Variants in ST3GAL3 observed in about 807,000 individuals in gnomAD.
ST3GAL3 encodes ST3 beta-galactoside alpha-2,3-sialyltransferase 3.
In ST3GAL3, 21 loss-of-function variants were observed where a neutral mutation model predicts 50.1. The ratio of observed to expected loss-of-function variants is 0.42; its 90% confidence interval spans 0.30 to 0.60. The LOEUF (loss-of-function observed/expected upper bound fraction) is 0.60. Ranked by LOEUF, ST3GAL3 falls within the 20% of genes least tolerant of loss-of-function variation. The probability of loss-of-function intolerance (pLI) is 0.19; values close to 1 mark genes in which losing one functional copy is unlikely to be tolerated. For synonymous variants in ST3GAL3, 183 were observed against 190.0 expected (o/e 0.96, Z 0.30); for missense variants, 353 against 489.4 (o/e 0.72, Z 2.63).
chr1:43,893,657 G>A lies in ST3GAL3; in HGVS notation c.303-726G>A, dbSNP rs550498968. On this transcript the variant is annotated intron_variant, in intron 5 of 11. Transcript: ENST00000347631. The stretch of plus-strand genomic sequence containing the variant: ...AGCATCACTTCACCCTCCTTCTCTC[G>A]CCTTTGCCCCCATCTCCTCTCCAGG... 1.8e-4 allele frequency among the ~76,000 whole-genome samples: 28 copies of A among 151,692 alleles called. No homozygotes were observed. The South Asian group carries it at 4.8e-3, about 26-fold the overall frequency.
At chr1:43,795,889 T>C (rs1166304703) in intron 3 of ST3GAL3, among the ~76,000 whole-genome samples, 2 of 152,154 alleles carry the variant, frequency 1.3e-5, no homozygotes, top group Non-Finnish European at 2.9e-5. Context: ...CTATTTTCCC[T>C]TCAGTGTCCC....
chr1:43,836,669 G>A (rs1558514130), intron 4 of ST3GAL3, among the ~76,000 whole-genome samples: 1 of 152,246 alleles, frequency 6.6e-6, no homozygotes, highest in Non-Finnish European at 1.5e-5. Context: ...TGGGGGTGGA[G>A]GAGGTGGGGA....
Position 43,930,169 on chromosome 1 carries a change from T to C in ST3GAL3, c.1076T>C (p.Leu359Pro). The C allele has an allele frequency of 6.2e-7, 1 of 1,614,186 alleles. No individual in the cohort carries two copies. Among genetic ancestry groups the C allele is most frequent in the Non-Finnish European group, 8.5e-7 (1 of 1,180,048 alleles). Residue 359 changes from leucine (L) to proline (P), a missense_variant, in exon 12 of 12, where the codon CTG becomes CCG. Transcript: ENST00000347631. ...THNIQREKEF[L>P]RKLVKARVIT... is the part of the protein sequence containing the mutation. ...AATATCCAGCGAGAGAAAGAGTTTC[T>C]GCGGAAGCTGGTGAAAGCTCGCGTC...
chr1:43,865,226 G>A (rs924823085), intron 5 of ST3GAL3, among the ~76,000 whole-genome samples: 1 of 151,910 alleles, frequency 6.6e-6, no homozygotes, highest in African/African-American at 2.4e-5. Flanking sequence ...CACCATGTTA[G>A]CCAGGATGGT....
At chr1:43,904,943 CTTTCTGCCACTCT>C (rs1383123986) in intron 9 of ST3GAL3, among the ~76,000 whole-genome samples, 8 of 15,766 alleles carry the variant, frequency 5.1e-4, no homozygotes, top group East Asian at 2.1e-3. Flanking sequence ...CCCCTTCCTC[CTTTCTGCCACTCT>C]TCCTCCCCTT....
intron 4 of ST3GAL3, among the ~76,000 whole-genome samples, chr1:43,836,799 A>G (rs898075462): frequency 3.3e-5 from 5 of 152,226 alleles, no homozygotes; most frequent in Non-Finnish European, 7.3e-5. Context: ...GATCTTCTCT[A>G]GACTGCATAG....
intron 3 of ST3GAL3, among the ~76,000 whole-genome samples, chr1:43,803,404 A>G (rs984341976): frequency 1.1e-4 from 16 of 151,548 alleles, no homozygotes; most frequent in African/African-American, 2.4e-4. Flanking sequence ...TGCATTCACC[A>G]TTTGTTGGAT....
intron 4 of ST3GAL3, among the ~76,000 whole-genome samples, chr1:43,837,347 C>CA (rs981289121): frequency 5.1e-5 from 2 of 39,456 alleles, no homozygotes; most frequent in African/African-American, 1.3e-4. Context: ...ACATTCCAGG[C>CA]AGAGAGAGGA....
In ST3GAL3 at chr1:43,921,033, C is replaced by T. The variant is rs1557565246; in HGVS notation, c.1038+105C>T. 2.2e-6 allele frequency: 3 copies of T among 1,363,532 alleles called. No homozygotes were observed. In the East Asian group the frequency reaches 7.5e-5, roughly 34 times the overall value. 84.5% of individuals were successfully genotyped at this position (1,363,532 alleles called of 1,614,324 possible). A position where few individuals can be genotyped will look rare whatever the true frequency, so the allele number is the denominator to read the frequency against. On this transcript the variant is annotated intron_variant, in intron 11 of 11. Coordinates refer to ENST00000347631, the MANE Select transcript of ST3GAL3 (RefSeq NM_006279.5). ...GTGGCTGGTCTGGCTGCCCAGAACT[C>T]CCCAGAAGGTCCTGACACCAAGCAT...
chr1:43,725,292 C>T (rs1672405361), intron 1 of ST3GAL3, among the ~76,000 whole-genome samples: 1 of 152,122 alleles, frequency 6.6e-6, no homozygotes. Flanking sequence ...CAACCTCTGA[C>T]TCCCAGGTTC....
intron 5 of ST3GAL3, among the ~76,000 whole-genome samples, chr1:43,852,505 A>G (rs941001292): frequency 6.6e-6 from 1 of 152,216 alleles, no homozygotes; most frequent in Non-Finnish European, 1.5e-5. Flanking sequence ...AACTTCTCAC[A>G]TAGAGGCATG....
rs2077937398 is a variant in ST3GAL3, at chr1:43,899,583, C to T, written c.600C>T (p.Gly200=). 1 of 1,613,918 alleles carries T rather than the reference C, an allele frequency of 6.2e-7. No individual in the cohort carries two copies. Among genetic ancestry groups the T allele is most frequent in the Admixed American group, 1.7e-5 (1 of 60,010 alleles). Residue 200 remains glycine, a synonymous_variant, in exon 9 of 12, where the codon GGC becomes GGT. Coordinates refer to ENST00000347631, the MANE Select transcript of ST3GAL3 (RefSeq NM_006279.5). This position sits in a 1 kb window ranked among gnomAD's most constrained non-coding sequence, Gnocchi z 5.4. Reference sequence around the variant, plus strand: ...TGAAAGGCTTTGAGAAGGACGTGGGCAGCAAAACGACACTGCGCATCACCT... The same window carrying T: ...TGAAAGGCTTTGAGAAGGACGTGGGTAGCAAAACGACACTGCGCATCACCT... ...APVKGFEKDV[G]SKTTLRITYP...
intron 11 of ST3GAL3, chr1:43,921,714 C>G: frequency 2.5e-6 from 1 of 398,848 alleles, no homozygotes. Context: ...CATCATCCCC[C>G]TCCACTATTC....
At chr1:43,867,751 A>G (rs2071680791) in intron 5 of ST3GAL3, among the ~76,000 whole-genome samples, 2 of 152,208 alleles carry the variant, frequency 1.3e-5, no homozygotes, top group African/African-American at 2.4e-5. Context: ...CCCAGTTGAC[A>G]TATTTACCGT....
chr1:43,898,857 C>A (rs907578545), intron 7 of ST3GAL3, among the ~76,000 whole-genome samples: 6 of 152,152 alleles, frequency 3.9e-5, no homozygotes, highest in Non-Finnish European at 7.4e-5. Flanking sequence ...CCTTGGGGAA[C>A]CTTTACCCTA....
chr1:43,835,037 T>C (rs2064105391), intron 4 of ST3GAL3, among the ~76,000 whole-genome samples: 1 of 152,152 alleles, frequency 6.6e-6, no homozygotes, highest in Non-Finnish European at 1.5e-5. Flanking sequence ...GGATTTCCTC[T>C]TGTGAGTGCA....
At chr1:43,846,106 C>A (rs977210907) in intron 5 of ST3GAL3, among the ~76,000 whole-genome samples, 5 of 152,172 alleles carry the variant, frequency 3.3e-5, no homozygotes, top group African/African-American at 1.2e-4. Flanking sequence ...GAAAATACTT[C>A]TGTTTTAGGG....
intron 5 of ST3GAL3, among the ~76,000 whole-genome samples, chr1:43,859,524 A>C (rs2069361543): frequency 6.6e-6 from 1 of 151,798 alleles, no homozygotes; most frequent in African/African-American, 2.4e-5. Context: ...ACGCCATTGC[A>C]CTCCAGCCTG....
At chr1:43,732,291 G>T (rs894417899) in intron 1 of ST3GAL3, among the ~76,000 whole-genome samples, 1 of 152,178 alleles carries the variant, frequency 6.6e-6, no homozygotes, top group African/African-American at 2.4e-5. Flanking sequence ...GCTGATAAAA[G>T]ACACTGCCAG....
Sources: allele counts gnomAD v4.1 joint callset (sites outside exome capture counted in the v4.1 genomes callset), GRCh38; gene constraint gnomAD v4.1.1; non-coding constraint Gnocchi (gnomAD v3.1); transcripts MANE v1.5; gene names NCBI Gene and HGNC (gene_info 2026-07-23, HGNC 2026-07-21).